EIF3H: variants seen among roughly 807,000 people sequenced by gnomAD.
The protein encoded by EIF3H is eIF-3-gamma.
In EIF3H, 26 loss-of-function variants were observed where a neutral mutation model predicts 44.2. The ratio of observed to expected loss-of-function variants is 0.59; its 90% CI spans 0.43 to 0.82. The LOEUF (loss-of-function observed/expected upper bound fraction) is 0.82, where lower values mean the gene tolerates loss of function less well. EIF3H is among the 40% of genes least tolerant of loss of function. EIF3H has a pLI of 0.00. For missense variants in EIF3H, 359 were observed against 432.8 expected, an observed-to-expected ratio of 0.83 and a Z score of 1.51; for synonymous variants, 166 against 151.9, an observed-to-expected ratio of 1.09 and a Z score of -0.68.
chr8:116,755,372 G>A (rs1436056415), intron 1 of EIF3H, among the ~76,000 whole-genome samples: 1 of 152,056 alleles, frequency 6.6e-6, no homozygotes, highest in Admixed American at 6.5e-5. Context: ...TGGTCTCCAG[G>A]AGTCTTTCTT....
At chr8:116,650,219 A>G (rs1813365589) in intron 5 of EIF3H, among the ~76,000 whole-genome samples, 1 of 152,204 alleles carries the variant, frequency 6.6e-6, no homozygotes, top group East Asian at 1.9e-4. Flanking sequence ...GAGGTTAGTT[A>G]AAAGTCTACT....
chr8:116,728,503 G>T (rs185748744), intron 1 of EIF3H, among the ~76,000 whole-genome samples: 30 of 152,110 alleles, frequency 2.0e-4, no homozygotes, highest in Non-Finnish European at 4.1e-4. Context: ...GGTAGTAATA[G>T]ACAACAGATA....
chr8:116,752,752 AGAGGGAGGGAGG>A (rs539328331), intron 1 of EIF3H, among the ~76,000 whole-genome samples: 541 of 40,884 alleles, frequency 0.013, 24 homozygotes, highest in African/African-American at 0.03. Context: ...AAAGAAAGAA[AGAGGGAGGGAGG>A]GAGGGAGGGA....
chr8:116,693,278 T>C (rs190929169), intron 2 of EIF3H, among the ~76,000 whole-genome samples: 3 of 152,348 alleles, frequency 2.0e-5, no homozygotes, highest in Admixed American at 2.0e-4. Context: ...TAAGTATCAT[T>C]TGACATCAGA....
intron 2 of EIF3H, among the ~76,000 whole-genome samples, chr8:116,695,665 G>A (rs886164019): frequency 2.0e-4 from 30 of 152,256 alleles, no homozygotes; most frequent in African/African-American, 7.2e-4. Flanking sequence ...ATCTGAGCAG[G>A]GTAAGGAAGG....
At chr8:116,765,577 C>T (rs1434243613) in exon 1 of EIF3H, 1 of 152,246 alleles carries the variant, frequency 6.6e-6, no homozygotes. Context: ...TCATTCTCCT[C>T]ATTAATCAAA....
intron 1 of EIF3H, among the ~76,000 whole-genome samples, chr8:116,747,057 T>C (rs529306106): frequency 2.7e-5 from 4 of 147,040 alleles, no homozygotes; most frequent in Admixed American, 1.3e-4. Flanking sequence ...CAATAACATG[T>C]TTTTTTGTTT....
intron 1 of EIF3H, among the ~76,000 whole-genome samples, chr8:116,727,829 T>C (rs1814875309): frequency 6.6e-6 from 1 of 152,228 alleles, no homozygotes. Context: ...GTAACATCTT[T>C]GGTCGTGGTA....
At chr8:116,685,478 T>C (rs181168955) in intron 2 of EIF3H, among the ~76,000 whole-genome samples, 3 of 152,336 alleles carry the variant, frequency 2.0e-5, no homozygotes, top group African/African-American at 7.2e-5. Flanking sequence ...AGCTGTTCAA[T>C]AGACTGCTTC....
chr8:116,700,295 T>A (rs1814351993), intron 2 of EIF3H, among the ~76,000 whole-genome samples: 1 of 152,228 alleles, frequency 6.6e-6, no homozygotes, highest in South Asian at 2.1e-4. Context: ...AAACAAAATA[T>A]TAAAATCCAT....
intron 2 of EIF3H, among the ~76,000 whole-genome samples, chr8:116,670,445 G>A (rs1039914154): frequency 2.0e-5 from 3 of 152,156 alleles, no homozygotes; most frequent in Non-Finnish European, 4.4e-5. Context: ...GCTTTCAGCA[G>A]GACAGCCAAT....
rs1813251486 is a variant in EIF3H, at chr8:116,643,278, C to G, written c.*1728G>C. 2 of 152,196 alleles carry G rather than the reference C, an allele frequency of 1.3e-5. No individual in the cohort carries two copies. The highest frequency in any genetic ancestry group is 1.3e-4 in the Admixed American group (2 of 15,280). 9.4% of individuals were successfully genotyped at this position (152,196 alleles called of 1,614,324 possible). On this transcript the variant is annotated 3_prime_UTR_variant, in exon 8 of 8. Transcript: ENST00000521861. The stretch of plus-strand genomic sequence containing the variant: ...TATCACTATGGGTAGGAGGGCAAAA[C>G]AGCAGAAACTTTTGAAGGCAATTTG...
chr8:116,682,538 C>T (rs190449432), intron 2 of EIF3H, among the ~76,000 whole-genome samples: 2 of 152,216 alleles, frequency 1.3e-5, no homozygotes. Flanking sequence ...GTTCAAATGC[C>T]GTCACAAAAC....
At position 116,732,221 on chromosome 8, in the gene EIF3H, T is replaced by TA. The variant is rs879531465; in HGVS notation, c.133-6050dup. On this transcript the variant is annotated intron_variant, in intron 1 of 7. Coordinates refer to ENST00000521861, the MANE Select transcript of EIF3H (RefSeq NM_003756.3). ...TGCTACTTTTTAAAGTGTCTGGCTTTAAAAAAAAAAAATTAAAACCTATCT... is the reference window on the plus strand; with the variant it reads ...TGCTACTTTTTAAAGTGTCTGGCTTTAAAAAAAAAAAAATTAAAACCTATCT... 4.5e-3 allele frequency among the ~76,000 whole-genome samples: 658 copies of TA among 146,794 alleles called. 3 individuals carry two copies. Among genetic ancestry groups the TA allele is most frequent in the African/African-American group, 0.015 (605 of 40,310 alleles).
At chr8:116,690,512 C>A (rs965155858) in intron 2 of EIF3H, among the ~76,000 whole-genome samples, 2 of 152,096 alleles carry the variant, frequency 1.3e-5, no homozygotes, top group Admixed American at 6.6e-5. Flanking sequence ...TGGGGCAACA[C>A]AGTGAGACCT....
chr8:116,649,725 G>A (rs1328156364), intron 5 of EIF3H, among the ~76,000 whole-genome samples: 1 of 152,092 alleles, frequency 6.6e-6, no homozygotes, highest in Non-Finnish European at 1.5e-5. Flanking sequence ...TAGAAAACAG[G>A]GAGACAACAG....
intron 2 of EIF3H, among the ~76,000 whole-genome samples, chr8:116,675,803 G>A (rs1813838374): frequency 6.6e-6 from 1 of 152,140 alleles, no homozygotes; most frequent in Non-Finnish European, 1.5e-5. Context: ...AATATTATCT[G>A]ACACATGGTA....
intron 2 of EIF3H, among the ~76,000 whole-genome samples, chr8:116,669,957 A>G (rs1813726961): frequency 6.6e-6 from 1 of 152,134 alleles, no homozygotes. Flanking sequence ...ACAGCATTCC[A>G]AGCTAAGAAA....
chr8:116,658,729 C>A, intron 3 of EIF3H, 84 bp downstream of exon 3: 2 of 1,416,682 alleles, frequency 1.4e-6, no homozygotes, highest in Non-Finnish European at 1.9e-6. Context: ...GCCTGCCAGA[C>A]TGCTCTTAGA....
Sources: allele counts gnomAD v4.1 joint callset (sites outside exome capture counted in the v4.1 genomes callset), GRCh38; gene constraint gnomAD v4.1.1; transcripts MANE v1.5; gene names NCBI Gene and HGNC (gene_info 2026-07-23, HGNC 2026-07-21).